GRM5: variants seen among roughly 807,000 people sequenced by gnomAD.
GRM5 encodes the protein glutamate metabotropic receptor 5.
A neutral mutation model predicts 83.1 loss-of-function variants in GRM5; 19 were observed. The observed-to-expected ratio is 0.23, with a 90% CI of 0.16 to 0.34. The LOEUF (loss-of-function observed/expected upper bound fraction) is 0.34, where lower values mean the gene tolerates loss of function less well. Among genes scored for constraint, GRM5 ranks in the 10% least tolerant of loss-of-function variants. The probability of loss-of-function intolerance (pLI) is 1.00; values close to 1 mark genes in which losing one functional copy is unlikely to be tolerated. For missense variants in GRM5, 1,160 were observed against 1,588.3 expected, an observed-to-expected ratio of 0.73 and a Z score of 4.58; for synonymous variants, 675 against 633.6, an observed-to-expected ratio of 1.07 and a Z score of -0.98.
chr11:88,989,122 C>T (rs1299925034), intron 2 of GRM5, among the ~76,000 whole-genome samples: 2 of 150,566 alleles, frequency 1.3e-5, no homozygotes, highest in African/African-American at 4.9e-5. Flanking sequence ...ACCCATCTCA[C>T]GTGCAGAGAC....
chr11:88,659,043 T>G (rs1391334689), intron 3 of GRM5, among the ~76,000 whole-genome samples: 1 of 152,136 alleles, frequency 6.6e-6, no homozygotes, highest in Non-Finnish European at 1.5e-5. Context: ...GAAAATATGT[T>G]GCAATGGTCA....
intron 9 of GRM5, among the ~76,000 whole-genome samples, chr11:88,512,938 C>G (rs1357231612): frequency 6.6e-6 from 1 of 152,158 alleles, no homozygotes; most frequent in Non-Finnish European, 1.5e-5. Context: ...TCTCTTTTAC[C>G]TGACCTGGAG....
At chr11:88,928,897 T>C (rs1374915908) in intron 2 of GRM5, among the ~76,000 whole-genome samples, 1 of 43,496 alleles carries the variant, frequency 2.3e-5, no homozygotes, top group African/African-American at 6.3e-5. Flanking sequence ...TACCTATGTG[T>C]ATGTGTATAT....
Position 88,587,607 on chromosome 11 carries a change from C to T in GRM5, c.1690+2994G>A, listed in dbSNP as rs867543477. On this transcript the variant is annotated intron_variant, in intron 7 of 9. Coordinates refer to ENST00000305447, the MANE Select transcript of GRM5 (RefSeq NM_001143831.3). ...GGCACCTTGGCATTTGAGAAAACAG[C>T]AGAAGCAGGAAGGTAACTCTCACCT... Among the ~76,000 whole-genome samples, 48 of 152,182 alleles carry T rather than the reference C, an allele frequency of 3.2e-4. No individual in the cohort carries two copies. In the Middle Eastern group the frequency reaches 0.01, roughly 32 times the overall value.
chr11:88,816,219 C>CAAAA (rs1183223330), intron 3 of GRM5, among the ~76,000 whole-genome samples: 9 of 44,968 alleles, frequency 2.0e-4, no homozygotes, highest in African/African-American at 2.8e-4. Context: ...GACTCCGTCT[C>CAAAA]AAAAAAAAAA....
chr11:88,975,039 A>G (rs12799016), intron 2 of GRM5, among the ~76,000 whole-genome samples: 1 of 152,210 alleles, frequency 6.6e-6, no homozygotes. Flanking sequence ...TGATGTGTCA[A>G]TGGGACATAC....
chr11:89,006,650 C>T (rs1940535414), intron 2 of GRM5, among the ~76,000 whole-genome samples: 1 of 152,204 alleles, frequency 6.6e-6, no homozygotes, highest in East Asian at 1.9e-4. Flanking sequence ...CTCTGTGCAC[C>T]AGCCACTTTG....
At chr11:88,545,528 C>G (rs1022916592) in intron 8 of GRM5, among the ~76,000 whole-genome samples, 12 of 141,346 alleles carry the variant, frequency 8.5e-5, no homozygotes, top group African/African-American at 2.6e-4. Flanking sequence ...ATAAACATGT[C>G]CAAACTTAGT....
chr11:88,763,071 A>G (rs1285615020), intron 3 of GRM5, among the ~76,000 whole-genome samples: 1 of 151,872 alleles, frequency 6.6e-6, no homozygotes, highest in East Asian at 1.9e-4. Context: ...ACTGATGAGT[A>G]CTAGGTTTAA....
At chr11:88,655,059 T>C (rs1482076053) in intron 3 of GRM5, among the ~76,000 whole-genome samples, 1 of 152,098 alleles carries the variant, frequency 6.6e-6, no homozygotes, top group South Asian at 2.1e-4. Context: ...AACACTGTTT[T>C]TCTCTAAGTC....
intron 2 of GRM5, among the ~76,000 whole-genome samples, chr11:89,001,573 C>T (rs1341383347): frequency 6.6e-6 from 1 of 152,056 alleles, no homozygotes; most frequent in Non-Finnish European, 1.5e-5. Context: ...AGTGAATGCT[C>T]TAAAAAGTAA....
Position 88,604,964 on chromosome 11 carries a change from C to G in GRM5, c.1148G>C (p.Ser383Thr), listed in dbSNP as rs956011989. Residue 383 changes from serine to threonine, a missense_variant and splice_region_variant, in exon 5 of 10, where the codon AGT (serine) becomes ACT (threonine). By Grantham distance (58) the Ser-to-Thr change is moderately conservative (BLOSUM62 1). Coordinates refer to ENST00000305447, the MANE Select transcript of GRM5 (RefSeq NM_001143831.3). ...ENSKYNKTCN[S>T]SLTLKTHHVQ... ...ATGATGTGTTTTCAGAGTCAGAGAA[C>G]CTGTTGGGAAACAAATTAAGCATAG... The G allele has an allele frequency of 1.9e-6, 3 of 1,611,578 alleles. No homozygotes were observed. Among genetic ancestry groups the G allele is most frequent in the Non-Finnish European group, 2.5e-6 (3 of 1,178,068 alleles).
intron 3 of GRM5, among the ~76,000 whole-genome samples, chr11:88,828,299 CT>C (rs1256255676): frequency 6.6e-6 from 1 of 152,162 alleles, no homozygotes; most frequent in Non-Finnish European, 1.5e-5. Context: ...AACTCGTATA[CT>C]TTAGTTACCA....
intron 3 of GRM5, among the ~76,000 whole-genome samples, chr11:88,808,515 A>G (rs561182088): frequency 2.0e-5 from 3 of 152,016 alleles, no homozygotes; most frequent in Non-Finnish European, 2.9e-5. Context: ...TTATAGTTAA[A>G]TAGCATGGAT....
intron 3 of GRM5, among the ~76,000 whole-genome samples, chr11:88,774,046 A>C (rs1405667848): frequency 6.6e-6 from 1 of 152,188 alleles, no homozygotes. Context: ...TTTGGGCAGT[A>C]TGGCAATTTT....
At chr11:88,536,858 A>G (rs1942146582) in intron 8 of GRM5, among the ~76,000 whole-genome samples, 1 of 152,194 alleles carries the variant, frequency 6.6e-6, no homozygotes, top group Non-Finnish European at 1.5e-5. Context: ...GAGAGAAACT[A>G]TGGTGTAATA....
At chr11:88,944,592 C>A (rs1185422650) in intron 2 of GRM5, among the ~76,000 whole-genome samples, 5 of 151,602 alleles carry the variant, frequency 3.3e-5, no homozygotes, top group Admixed American at 6.6e-5. Flanking sequence ...AATTCTCATG[C>A]AGTACATTAG....
intron 7 of GRM5, among the ~76,000 whole-genome samples, chr11:88,588,199 C>G (rs1943358803): frequency 6.6e-6 from 1 of 152,150 alleles, no homozygotes; most frequent in East Asian, 1.9e-4. Flanking sequence ...TTAGACAAAG[C>G]ATTGTTTGCA....
At chr11:88,551,469 T>C (rs1942505283) in intron 8 of GRM5, among the ~76,000 whole-genome samples, 1 of 152,194 alleles carries the variant, frequency 6.6e-6, no homozygotes, top group African/African-American at 2.4e-5. Flanking sequence ...CTCTGACATA[T>C]TAATTTTCCC....
Sources: allele counts gnomAD v4.1 joint callset (sites outside exome capture counted in the v4.1 genomes callset), GRCh38; gene constraint gnomAD v4.1.1; transcripts MANE v1.5; gene names NCBI Gene and HGNC (gene_info 2026-07-23, HGNC 2026-07-21).